Variants in MED12L observed in about 807,000 individuals in gnomAD.
MED12L encodes mediator of RNA polymerase II transcription subunit 12-like protein.
Under a neutral mutation model 281.3 loss-of-function variants are expected in MED12L, and 60 were observed. The observed-to-expected ratio is 0.21, with a 90% CI of 0.17 to 0.26. The LOEUF is 0.26. Among genes scored for constraint, MED12L ranks in the 10% least tolerant of loss-of-function variants. MED12L has a pLI of 1.00. For synonymous variants in MED12L, 974 were observed against 987.2 expected, an observed-to-expected ratio of 0.99 and a Z score of 0.25; for missense variants, 2,146 against 2,680.9, an observed-to-expected ratio of 0.80 and a Z score of 4.41.
At chr3:151,213,327 T>C in intron 16 of MED12L, 1 of 1,611,764 alleles carries the variant, frequency 6.2e-7, no homozygotes, top group Non-Finnish European at 8.5e-7. Context: ...TTTCAAGTGT[T>C]GTATTTCCTC....
chr3:151,140,909 C>T (rs954575796), intron 5 of MED12L, among the ~76,000 whole-genome samples: 7 of 151,990 alleles, frequency 4.6e-5, no homozygotes, highest in African/African-American at 1.7e-4. Context: ...GCTCTGTTGC[C>T]CAGGCTGGAG....
intron 26 of MED12L, among the ~76,000 whole-genome samples, chr3:151,371,354 T>C (rs1203966764): frequency 6.6e-6 from 1 of 152,236 alleles, no homozygotes; most frequent in African/African-American, 2.4e-5. Flanking sequence ...GAAAGCATAC[T>C]ACATTTTGGT....
rs566563791 is a variant in MED12L at position 151,221,713 on chromosome 3, A to G, written c.2250+28047A>G. Among the ~76,000 whole-genome samples, 23 of 152,312 alleles carry G rather than the reference A, an allele frequency of 1.5e-4. No individual in the cohort carries two copies. The South Asian group carries it at 4.8e-3, about 32-fold the overall frequency. On this transcript the variant is annotated intron_variant, in intron 16 of 44. Transcript: ENST00000687756. ...CCTAGATTTCAGAATATGTGTGGAA[A>G]TGCCTGGATGTCCAGGCAGAAGTTT...
chr3:151,382,620 T>A, intron 32 of MED12L, 36 bp from the exon 33 acceptor site: 1 of 1,503,182 alleles, frequency 6.7e-7, no homozygotes, highest in South Asian at 1.2e-5. Context: ...GAGAGAAAAA[T>A]TAAACTTTAA....
At chr3:151,342,156 G>A (rs1301770817) in intron 16 of MED12L, among the ~76,000 whole-genome samples, 1 of 152,170 alleles carries the variant, frequency 6.6e-6, no homozygotes, top group Non-Finnish European at 1.5e-5. Flanking sequence ...TCACCACACT[G>A]ACTTCCACAA....
At chr3:151,291,406 C>T (rs904162937) in intron 16 of MED12L, among the ~76,000 whole-genome samples, 3 of 152,054 alleles carry the variant, frequency 2.0e-5, no homozygotes, top group African/African-American at 4.8e-5. Flanking sequence ...ATGAATATAA[C>T]AGTCAGTAAC....
chr3:151,150,015 A>G (rs1389295187), intron 5 of MED12L, among the ~76,000 whole-genome samples: 3 of 152,148 alleles, frequency 2.0e-5, no homozygotes, highest in Non-Finnish European at 4.4e-5. Flanking sequence ...AAAGGTTGGA[A>G]TCAACTTCTT....
At chr3:151,392,142 G>A in intron 38 of MED12L, among the ~76,000 whole-genome samples, 1 of 152,074 alleles carries the variant, frequency 6.6e-6, no homozygotes, top group Non-Finnish European at 1.5e-5. Flanking sequence ...ATAAACTGAG[G>A]AACTTTAGGT....
intron 43 of MED12L, 120 bp from the exon 44 acceptor site, chr3:151,430,179 C>A: frequency 7.1e-7 from 1 of 1,407,630 alleles, no homozygotes; most frequent in Non-Finnish European, 9.7e-7. Flanking sequence ...GTTGTCATAG[C>A]CCTTTTTTCG....
At chr3:151,300,119 T>C in intron 16 of MED12L, 1 of 1,592,032 alleles carries the variant, frequency 6.3e-7, no homozygotes, top group Non-Finnish European at 8.6e-7. Context: ...TGTGATGCAC[T>C]GTAAGCAAAG....
rs535628457 is a variant in MED12L at position 151,145,954 on chromosome 3, G to A, written c.557-10207G>A. ...ATGGAGTTGGCAGCCTCCTTTCCAG[G>A]GTTTCCCCTACAACTTCCTGAGAAA... On this transcript the variant is annotated intron_variant, in intron 5 of 44. Coordinates refer to ENST00000687756, the MANE Select transcript of MED12L (RefSeq NM_001393769.1). Among the ~76,000 whole-genome samples the A allele has an allele frequency of 5.3e-5, 8 of 152,254 alleles. No individual in the cohort carries two copies. In the South Asian group the frequency reaches 1.0e-3, roughly 20 times the overall value.
chr3:151,089,534 C>T (rs191193654), intron 2 of MED12L, among the ~76,000 whole-genome samples: 158 of 151,988 alleles, frequency 1.0e-3, no homozygotes, highest in Non-Finnish European at 1.3e-4. Context: ...GTGAGAAAAG[C>T]CCTCCTCCTG....
intron 16 of MED12L, among the ~76,000 whole-genome samples, chr3:151,252,840 C>G (rs1226102653): frequency 2.6e-5 from 4 of 151,980 alleles, no homozygotes; most frequent in Non-Finnish European, 5.9e-5. Flanking sequence ...TGTATTTTAA[C>G]CAAAACTGGT....
chr3:151,106,362 C>A, intron 2 of MED12L, among the ~76,000 whole-genome samples: 1 of 120,292 alleles, frequency 8.3e-6, no homozygotes, highest in Non-Finnish European at 1.7e-5. Flanking sequence ...TCCTTTCCTA[C>A]AGGGTCTCGC....
At chr3:151,142,129 C>A (rs1309671829) in intron 5 of MED12L, among the ~76,000 whole-genome samples, 1 of 152,156 alleles carries the variant, frequency 6.6e-6, no homozygotes, top group Non-Finnish European at 1.5e-5. Flanking sequence ...CTTGAAAATT[C>A]TCTGAGGTAG....
chr3:151,349,143 C>T (rs893539081), intron 16 of MED12L, among the ~76,000 whole-genome samples: 1 of 152,206 alleles, frequency 6.6e-6, no homozygotes, highest in Admixed American at 6.5e-5. Flanking sequence ...GATTCAGAGC[C>T]AGGCACAAGA....
intron 11 of MED12L, among the ~76,000 whole-genome samples, chr3:151,176,776 T>C (rs1480983913): frequency 6.6e-6 from 1 of 152,210 alleles, no homozygotes; most frequent in Non-Finnish European, 1.5e-5. Context: ...CCTGAACTTA[T>C]TAAATGAGGA....
intron 5 of MED12L, among the ~76,000 whole-genome samples, chr3:151,135,889 T>TA (rs1466664985): frequency 6.6e-6 from 1 of 152,242 alleles, no homozygotes; most frequent in African/African-American, 2.4e-5. Flanking sequence ...TGAGCAGCCT[T>TA]AATTCTGCCT....
At chr3:151,282,542 A>T (rs1438508692) in intron 16 of MED12L, among the ~76,000 whole-genome samples, 3 of 152,180 alleles carry the variant, frequency 2.0e-5, no homozygotes, top group Non-Finnish European at 2.9e-5. Context: ...AGTACAGTGT[A>T]CAAGGATATT....
Sources: allele counts gnomAD v4.1 joint callset (sites outside exome capture counted in the v4.1 genomes callset), GRCh38; gene constraint gnomAD v4.1.1; transcripts MANE v1.5; gene names NCBI Gene and HGNC (gene_info 2026-07-23, HGNC 2026-07-21).